Variants in CRYZ observed in about 807,000 individuals in gnomAD.
CRYZ encodes zeta-crystallin.
CRYZ carries 35 observed loss-of-function variants against 34.1 expected under a neutral mutation model. That is an observed-to-expected ratio of 1.03 (90% CI 0.78 to 1.36). The LOEUF (loss-of-function observed/expected upper bound fraction) is 1.36. CRYZ is among the 40% of genes most tolerant of loss of function. The pLI is 0.00. For missense variants in CRYZ, 403 were observed against 391.8 expected (o/e 1.03, Z -0.24); for synonymous variants, 137 against 136.5 (o/e 1.00, Z -0.03).
Position 74,706,210 on chromosome 1 carries a change from G to A in CRYZ, c.*86C>T. 8.7e-7 allele frequency: 1 copy of A among 1,154,894 alleles called. No homozygotes were observed. Among genetic ancestry groups the A allele is most frequent in the Non-Finnish European group, 1.2e-6 (1 of 842,350 alleles). 71.5% of individuals were successfully genotyped at this position (1,154,894 alleles called of 1,614,324 possible). ...ACATAAGAAGCTCATGGAATCGAAT[G>A]TTAATTAAAGAAAAGATAGGGTAAG... is the stretch of plus-strand genomic sequence containing the variant. On this transcript the variant is annotated 3_prime_UTR_variant, in exon 9 of 9. Coordinates refer to ENST00000340866, the MANE Select transcript of CRYZ (RefSeq NM_001889.4).
chr1:74,732,609 G>C (rs1235884209), intron 1 of CRYZ, among the ~76,000 whole-genome samples: 11 of 93,978 alleles, frequency 1.2e-4, no homozygotes, highest in Admixed American at 3.1e-4. Flanking sequence ...GGGGGGGGGG[G>C]GGGGGGTGCA....
At chr1:74,726,931 C>T (rs1028088815) in intron 1 of CRYZ, among the ~76,000 whole-genome samples, 4 of 152,172 alleles carry the variant, frequency 2.6e-5, no homozygotes, top group African/African-American at 9.7e-5. Context: ...TGCCACCAGT[C>T]TCTTTGCTAA....
At chr1:74,714,735 T>C (rs1189745478) in intron 4 of CRYZ, 105 bp from the exon 5 acceptor site, 2 of 1,092,152 alleles carry the variant, frequency 1.8e-6, no homozygotes, top group Non-Finnish European at 2.8e-6. Flanking sequence ...GGCTAACACT[T>C]ACACAAACAG....
At chr1:74,714,508 G>T in intron 5 of CRYZ, 71 bp downstream of exon 5, 2 of 1,404,342 alleles carry the variant, frequency 1.4e-6, no homozygotes, top group South Asian at 2.5e-5. Context: ...TTTTAAAAAT[G>T]ACCAAAGGAA....
chr1:74,715,876 T>G (rs1167064284), intron 4 of CRYZ, among the ~76,000 whole-genome samples: 1 of 151,972 alleles, frequency 6.6e-6, no homozygotes, highest in African/African-American at 2.4e-5. Context: ...AACCCAATAT[T>G]TGTTCCAACA....
At chr1:74,729,928 C>T (rs77032784) in intron 1 of CRYZ, among the ~76,000 whole-genome samples, 3,405 of 152,146 alleles carry the variant, frequency 0.022, 129 homozygotes, top group African/African-American at 0.078. Flanking sequence ...AAATGCCCCA[C>T]CCTGCCCCTA....
chr1:74,727,419 T>C (rs1454905001), intron 1 of CRYZ, among the ~76,000 whole-genome samples: 1 of 125,852 alleles, frequency 7.9e-6, no homozygotes. Flanking sequence ...TCCGAGACCA[T>C]CCTGGCTAAC....
At position 74,705,948 on chromosome 1, in the gene CRYZ, C is replaced by T; in HGVS notation, c.*348G>A. Reference sequence around the variant, plus strand: ...TATAAAGGTAAGTAGGCTTGAAAACCCTTGGAAACTGAGCAGTCTTATTTT... The same window carrying T: ...TATAAAGGTAAGTAGGCTTGAAAACTCTTGGAAACTGAGCAGTCTTATTTT... On this transcript the variant is annotated 3_prime_UTR_variant, in exon 9 of 9. Transcript: ENST00000340866. 6.0e-6 allele frequency: 1 copy of T among 167,038 alleles called. No individual in the cohort carries two copies. The highest frequency in any genetic ancestry group is 1.3e-5 in the Non-Finnish European group (1 of 77,724). 10.3% of individuals were successfully genotyped at this position (167,038 alleles called of 1,614,324 possible).
chr1:74,729,389 A>C (rs778910630), intron 1 of CRYZ, among the ~76,000 whole-genome samples: 2 of 148,698 alleles, frequency 1.3e-5, no homozygotes, highest in Non-Finnish European at 3.0e-5. Flanking sequence ...TTTCCCCTCT[A>C]TTCTTCTTTT....
chr1:74,724,806 T>C lies in CRYZ; in HGVS notation c.16A>G (p.Lys6Glu), dbSNP rs1480843233. 4 of 1,610,474 alleles carry C rather than the reference T, an allele frequency of 2.5e-6. No individual in the cohort carries two copies. In the African/African-American group the frequency reaches 5.4e-5, roughly 22 times the overall value. MATGQ[K>E]LMRAVRVFEF... is the part of the protein sequence containing the mutation. ...AAAACTCTAACAGCTCTCATCAACT[T>C]CTGTCCAGTCGCCATGGTGATCTAG... Residue 6 changes from lysine (K) to glutamate (E), a missense_variant, in exon 2 of 9, where the codon AAG becomes GAG. Transcript: ENST00000340866.
At chr1:74,715,860 C>A (rs1290581083) in intron 4 of CRYZ, among the ~76,000 whole-genome samples, 1 of 151,466 alleles carries the variant, frequency 6.6e-6, no homozygotes, top group Non-Finnish European at 1.5e-5. Flanking sequence ...CTTGACTGGG[C>A]CAAGGAACCC....
chr1:74,730,825 T>C (rs540236597), intron 1 of CRYZ, among the ~76,000 whole-genome samples: 3 of 152,324 alleles, frequency 2.0e-5, no homozygotes, highest in African/African-American at 4.8e-5. Flanking sequence ...GTGAGACAGA[T>C]TGAGCTAGAA....
intron 3 of CRYZ, among the ~76,000 whole-genome samples, chr1:74,721,120 C>T (rs72675397): frequency 6.6e-6 from 1 of 152,038 alleles, no homozygotes; most frequent in Non-Finnish European, 1.5e-5. Flanking sequence ...GAATAAATGC[C>T]ATGAAATTAG....
chr1:74,725,190 C>T (rs1461697519), intron 1 of CRYZ, among the ~76,000 whole-genome samples: 13 of 152,128 alleles, frequency 8.5e-5, no homozygotes. Flanking sequence ...GTAAACTGAC[C>T]TCCTTTTGTT....
rs1288675944 is a variant in CRYZ, at chr1:74,719,351, T to C, written c.286A>G (p.Ser96Gly). 17 of 1,611,322 alleles carry C rather than the reference T, an allele frequency of 1.1e-5. No homozygotes were observed. The highest frequency in any genetic ancestry group is 1.4e-5 in the Non-Finnish European group (16 of 1,177,812). Residue 96 changes from serine (S) to glycine (G), a missense_variant, in exon 4 of 9, where the codon AGC becomes GGC. Transcript: ENST00000340866. ...GCATAACCCCCAGAGATCGTGCTGC[T>C]AGTGAAAACTCTGTCACCTTTCTAG... ...AFKKGDRVFTSSTISGGYAEY... is the reference protein window; with the variant it reads ...AFKKGDRVFTGSTISGGYAEY...
At chr1:74,726,881 T>G (rs984519200) in intron 1 of CRYZ, among the ~76,000 whole-genome samples, 1 of 152,148 alleles carries the variant, frequency 6.6e-6, no homozygotes, top group African/African-American at 2.4e-5. Context: ...TAAATCATCT[T>G]AGGTTCAATG....
At chr1:74,726,295 C>A (rs915534091) in intron 1 of CRYZ, among the ~76,000 whole-genome samples, 1 of 152,240 alleles carries the variant, frequency 6.6e-6, no homozygotes, top group Admixed American at 6.5e-5. Flanking sequence ...GGAATTTCCA[C>A]ACAACCTCTG....
At chr1:74,708,592 G>A (rs1036938493) in intron 6 of CRYZ, 1 of 152,078 alleles carries the variant, frequency 6.6e-6, no homozygotes, top group African/African-American at 2.4e-5. Context: ...GATAAAATGA[G>A]GTAACCAACT....
chr1:74,726,778 T>C (rs1647364386), intron 1 of CRYZ, among the ~76,000 whole-genome samples: 1 of 152,082 alleles, frequency 6.6e-6, no homozygotes. Flanking sequence ...CCAAACCATA[T>C]CTTTGTGAAT....
Sources: gnomAD v4.1 joint callset for allele counts (sites outside exome capture counted in the v4.1 genomes callset) on GRCh38, gnomAD v4.1.1 for gene constraint, MANE v1.5 for transcripts, NCBI Gene and HGNC (gene_info 2026-07-23, HGNC 2026-07-21) for gene names.